FSTL5: variants seen among roughly 807,000 people sequenced by gnomAD.
The protein encoded by FSTL5 is follistatin-related protein 5.
A neutral mutation model predicts 89.1 loss-of-function variants in FSTL5; 62 were observed. The observed-to-expected ratio is 0.70, with a 90% confidence interval of 0.57 to 0.86. FSTL5 has a LOEUF of 0.86. FSTL5 is among the 40% of genes least tolerant of loss of function. The pLI is 0.00. For synonymous variants in FSTL5, 383 were observed against 346.2 expected (o/e 1.11, Z -1.18); for missense variants, 1,057 against 1,001.6 (o/e 1.06, Z -0.75).
intron 1 of FSTL5, among the ~76,000 whole-genome samples, chr4:162,115,810 A>T (rs1314858437): frequency 6.6e-6 from 1 of 152,178 alleles, no homozygotes; most frequent in Admixed American, 6.5e-5. Context: ...ATGGCAAAAC[A>T]TGCCATGCTG....
intron 10 of FSTL5, among the ~76,000 whole-genome samples, chr4:161,516,956 T>C (rs1730864392): frequency 6.6e-6 from 1 of 152,110 alleles, no homozygotes; most frequent in African/African-American, 2.4e-5. Flanking sequence ...CGTAGTGGTG[T>C]GATCTCTGCT....
At chr4:161,741,263 A>T (rs183462827) in intron 6 of FSTL5, among the ~76,000 whole-genome samples, 1 of 152,324 alleles carries the variant, frequency 6.6e-6, no homozygotes, top group East Asian at 1.9e-4. Flanking sequence ...TGACCTTCAG[A>T]TGGAGAGATT....
chr4:161,415,520 G>C (rs1731742707), intron 15 of FSTL5, among the ~76,000 whole-genome samples: 1 of 152,032 alleles, frequency 6.6e-6, no homozygotes, highest in Non-Finnish European at 1.5e-5. Context: ...CTCCCAAAGT[G>C]CTGGGATTTC....
At chr4:161,875,053 G>A (rs191198815) in intron 4 of FSTL5, among the ~76,000 whole-genome samples, 2 of 152,158 alleles carry the variant, frequency 1.3e-5, no homozygotes, top group African/African-American at 2.4e-5. Context: ...TATATGAAAA[G>A]TATACTTTGA....
chr4:161,800,696 T>C (rs901770765), intron 4 of FSTL5, among the ~76,000 whole-genome samples: 3 of 151,652 alleles, frequency 2.0e-5, no homozygotes, highest in Non-Finnish European at 4.4e-5. Flanking sequence ...ATTTCATTTC[T>C]ATTAAGGTTG....
At chr4:161,558,978 CTCT>C (rs2126567760) in intron 8 of FSTL5, among the ~76,000 whole-genome samples, 1 of 152,014 alleles carries the variant, frequency 6.6e-6, no homozygotes, top group East Asian at 1.9e-4. Context: ...CTGTGAACTG[CTCT>C]TCTTCTCAAC....
At chr4:161,921,170 T>C (rs746231590) in intron 3 of FSTL5, among the ~76,000 whole-genome samples, 3 of 152,170 alleles carry the variant, frequency 2.0e-5, no homozygotes, top group South Asian at 4.1e-4. Flanking sequence ...AAGTAATGTA[T>C]GCATACAAGG....
At chr4:162,009,542 C>T (rs1023731973) in intron 3 of FSTL5, among the ~76,000 whole-genome samples, 2 of 152,020 alleles carry the variant, frequency 1.3e-5, no homozygotes, top group African/African-American at 2.4e-5. Context: ...TCCTTGGATT[C>T]ATATTTCAAG....
At chr4:161,767,558 G>T (rs1436019931) in intron 5 of FSTL5, among the ~76,000 whole-genome samples, 1 of 152,134 alleles carries the variant, frequency 6.6e-6, no homozygotes, top group African/African-American at 2.4e-5. Flanking sequence ...AATTCTTACT[G>T]TTGGAGAAGA....
rs569561287 is a variant in FSTL5, at chr4:161,707,781, T to C, written c.728-51287A>G. Among the ~76,000 whole-genome samples the C allele has an allele frequency of 1.1e-4, 17 of 152,052 alleles. No homozygotes were observed. In the South Asian group the frequency reaches 3.5e-3, roughly 31 times the overall value. On this transcript the variant is annotated intron_variant, in intron 6 of 15. Coordinates refer to ENST00000306100, the MANE Select transcript of FSTL5 (RefSeq NM_020116.5). ...ATGGTGATACACAATACAGGGTATA[T>C]AATGAATACAGAAGAAAACAAAACT...
chr4:161,749,576 T>A (rs1740323130), intron 6 of FSTL5, among the ~76,000 whole-genome samples: 1 of 151,934 alleles, frequency 6.6e-6, no homozygotes, highest in Non-Finnish European at 1.5e-5. Flanking sequence ...GGCGGGCGGA[T>A]CCCGAGGTCA....
Position 161,687,191 on chromosome 4 carries a change from G to A in FSTL5, c.728-30697C>T, listed in dbSNP as rs932471901. On this transcript the variant is annotated intron_variant, in intron 6 of 15. Transcript: ENST00000306100. ...ACATTCATGATGATTTAAGAACAAT[G>A]GCTAGTGACATTTATTTATGTGCCC... Among the ~76,000 whole-genome samples, 7 of 152,056 alleles carry A rather than the reference G, an allele frequency of 4.6e-5. No individual in the cohort carries two copies. The East Asian group carries it at 1.3e-3, about 29-fold the overall frequency.
intron 4 of FSTL5, among the ~76,000 whole-genome samples, chr4:161,830,022 C>T (rs1311080984): frequency 1.3e-5 from 2 of 152,060 alleles, no homozygotes; most frequent in African/African-American, 4.8e-5. Flanking sequence ...TCAGAATCAT[C>T]TTACTGTTTT....
chr4:161,710,131 G>A (rs1253812655), intron 6 of FSTL5, among the ~76,000 whole-genome samples: 1 of 151,902 alleles, frequency 6.6e-6, no homozygotes, highest in African/African-American at 2.4e-5. Flanking sequence ...ACCATGCCCA[G>A]CTAATTTTTA....
intron 8 of FSTL5, among the ~76,000 whole-genome samples, chr4:161,566,129 T>C (rs1166221224): frequency 2.1e-4 from 16 of 77,570 alleles, no homozygotes; most frequent in African/African-American, 7.2e-4. Context: ...TATATATATA[T>C]ATATATACAC....
intron 1 of FSTL5, among the ~76,000 whole-genome samples, chr4:162,159,083 T>C (rs2110761057): frequency 6.6e-6 from 1 of 152,218 alleles, no homozygotes; most frequent in South Asian, 2.1e-4. Flanking sequence ...AGGTAGGCAT[T>C]TGTGTTTTCA....
Position 161,797,584 on chromosome 4 carries a change from A to G in FSTL5, c.410-21510T>C, listed in dbSNP as rs1272954765. Among the ~76,000 whole-genome samples, 3 of 151,704 alleles carry G rather than the reference A, an allele frequency of 2.0e-5. No individual in the cohort carries two copies. The East Asian group carries it at 5.8e-4, about 29-fold the overall frequency. On this transcript the variant is annotated intron_variant, in intron 4 of 15. Transcript: ENST00000306100. ...AAATATATATGCAGTCAAATAATTG[A>G]TTTCTGATGATTATATTTCAATTAT...
At chr4:161,822,924 G>A (rs1579117718) in intron 4 of FSTL5, among the ~76,000 whole-genome samples, 1 of 152,148 alleles carries the variant, frequency 6.6e-6, no homozygotes. Flanking sequence ...CCAGCTCTCA[G>A]CAGAAAGGAG....
chr4:162,033,931 T>C (rs919186297), intron 2 of FSTL5, among the ~76,000 whole-genome samples: 3 of 152,258 alleles, frequency 2.0e-5, no homozygotes, highest in Admixed American at 6.5e-5. Flanking sequence ...CTCAAGTAGC[T>C]GGAACTACAG....
Sources: allele counts gnomAD v4.1 joint callset (sites outside exome capture counted in the v4.1 genomes callset), GRCh38; gene constraint gnomAD v4.1.1; transcripts MANE v1.5; gene names NCBI Gene and HGNC (gene_info 2026-07-23, HGNC 2026-07-21).